Variants in MSH4 observed in about 807,000 individuals in gnomAD.
MSH4 encodes mutS homolog 4, also known as mutS protein homolog 4.
In MSH4, 106 loss-of-function variants were observed where a neutral mutation model predicts 113.7. That is an observed-to-expected ratio of 0.93 (90% CI 0.80 to 1.10). The LOEUF (loss-of-function observed/expected upper bound fraction) is 1.10, where lower values mean the gene tolerates loss of function less well. Among genes scored for constraint, MSH4 ranks in the 50% least tolerant of loss-of-function variants. The pLI is 0.00. For synonymous variants in MSH4, 368 were observed against 380.2 expected (o/e 0.97, Z 0.37); for missense variants, 1,061 against 1,093.7 (o/e 0.97, Z 0.42).
chr1:75,899,073 C>T (rs1652448910), intron 18 of MSH4, among the ~76,000 whole-genome samples: 1 of 152,104 alleles, frequency 6.6e-6, no homozygotes, highest in Non-Finnish European at 1.5e-5. Context: ...TATTGGTGTA[C>T]AGTAGAAAGC....
chr1:75,814,360 G>A (rs5745369), intron 4 of MSH4, among the ~76,000 whole-genome samples: 10,779 of 151,610 alleles, frequency 0.071, 504 homozygotes, highest in African/African-American at 0.13. Context: ...AGCTACTCAG[G>A]AGGATGAAGC....
At chr1:75,877,728 G>T (rs1013632839) in intron 10 of MSH4, among the ~76,000 whole-genome samples, 4 of 152,142 alleles carry the variant, frequency 2.6e-5, no homozygotes, top group Admixed American at 6.6e-5. Flanking sequence ...TCTACCGAAG[G>T]CAGGGATCAT....
chr1:75,824,799 C>T (rs1018109647), intron 7 of MSH4, among the ~76,000 whole-genome samples: 3 of 151,696 alleles, frequency 2.0e-5, no homozygotes, highest in African/African-American at 7.3e-5. Context: ...GGTCTCTGTT[C>T]TGTTCCATTG....
intron 7 of MSH4, among the ~76,000 whole-genome samples, chr1:75,844,621 T>TAC (rs1390698981): frequency 3.3e-5 from 5 of 152,184 alleles, no homozygotes; most frequent in Non-Finnish European, 5.9e-5. Context: ...CCACCACACC[T>TAC]GGGCTGAAAT....
chr1:75,810,900 T>G, intron 4 of MSH4, 93 bp downstream of exon 4: 2 of 586,668 alleles, frequency 3.4e-6, no homozygotes, highest in Non-Finnish European at 2.7e-6. Context: ...GAGACAGAGT[T>G]TCACTCTGTC....
chr1:75,840,798 A>G (rs1001272819), intron 7 of MSH4, among the ~76,000 whole-genome samples: 3 of 152,202 alleles, frequency 2.0e-5, no homozygotes, highest in Non-Finnish European at 2.9e-5. Flanking sequence ...ATTAAGCTAT[A>G]TCTGTCCTCA....
intron 7 of MSH4, among the ~76,000 whole-genome samples, chr1:75,831,909 A>G (rs1053454901): frequency 6.6e-6 from 1 of 152,220 alleles, no homozygotes; most frequent in Non-Finnish European, 1.5e-5. Flanking sequence ...TTCAAAAGCT[A>G]GCAGAAGATA....
At chr1:75,814,090 C>G (rs954247074) in intron 4 of MSH4, among the ~76,000 whole-genome samples, 3 of 151,754 alleles carry the variant, frequency 2.0e-5, no homozygotes, top group Non-Finnish European at 4.4e-5. Flanking sequence ...ATAATATTAC[C>G]TTTTCTTAAC....
chr1:75,822,010 G>A (rs1011046036), intron 6 of MSH4, among the ~76,000 whole-genome samples: 1 of 152,118 alleles, frequency 6.6e-6, no homozygotes, highest in Admixed American at 6.5e-5. Context: ...GGCCAGGCGC[G>A]GTGGCTCACG....
chr1:75,905,457 G>C (rs1652603867), intron 19 of MSH4, among the ~76,000 whole-genome samples: 1 of 151,854 alleles, frequency 6.6e-6, no homozygotes, highest in Non-Finnish European at 1.5e-5. Flanking sequence ...CACTTGTTTT[G>C]TGGCCTAATG....
At chr1:75,856,570 G>A (rs780835825) in intron 8 of MSH4, among the ~76,000 whole-genome samples, 1 of 152,156 alleles carries the variant, frequency 6.6e-6, no homozygotes, top group Non-Finnish European at 1.5e-5. Context: ...AGTTTGCTGA[G>A]AATAATGGTT....
At chr1:75,807,756 C>G (rs5745334) in intron 3 of MSH4, among the ~76,000 whole-genome samples, 38,013 of 152,046 alleles carry the variant, frequency 0.25, 6,224 homozygotes, top group East Asian at 0.68. Context: ...AAAAAAATAC[C>G]TAGTAAAGCA....
chr1:75,846,033 G>A (rs113636384), intron 7 of MSH4, among the ~76,000 whole-genome samples: 3 of 151,790 alleles, frequency 2.0e-5, no homozygotes, highest in Non-Finnish European at 4.4e-5. Context: ...TTGAGCTGCA[G>A]CTGGGCTCAC....
intron 1 of MSH4, among the ~76,000 whole-genome samples, chr1:75,798,858 C>T (rs1348057180): frequency 6.6e-6 from 1 of 152,108 alleles, no homozygotes; most frequent in Non-Finnish European, 1.5e-5. Context: ...GCACCTAGCC[C>T]TCAAACTCTT....
intron 19 of MSH4, among the ~76,000 whole-genome samples, chr1:75,911,098 C>T (rs1652777377): frequency 6.6e-6 from 1 of 151,804 alleles, no homozygotes; most frequent in Admixed American, 6.6e-5. Flanking sequence ...GCCTGAGATA[C>T]AGGGTACCAT....
intron 19 of MSH4, 26 bp from the exon 20 acceptor site, chr1:75,912,670 A>C: frequency 8.0e-7 from 1 of 1,244,006 alleles, no homozygotes; most frequent in Non-Finnish European, 1.0e-6. Context: ...GTATATATAT[A>C]TATATTTTTT....
chr1:75,886,839 T>TTA (rs34966627), intron 15 of MSH4, among the ~76,000 whole-genome samples: 4 of 136,638 alleles, frequency 2.9e-5, no homozygotes, highest in African/African-American at 8.1e-5. Context: ...TATATATATA[T>TTA]TATATATATA....
chr1:75,871,362 GTA>G (rs1382182625), intron 9 of MSH4, among the ~76,000 whole-genome samples: 1 of 152,040 alleles, frequency 6.6e-6, no homozygotes, highest in African/African-American at 2.4e-5. Flanking sequence ...AACCCTAACT[GTA>G]TCAGACAGAC....
intron 14 of MSH4, among the ~76,000 whole-genome samples, chr1:75,882,840 C>T (rs1010673328): frequency 6.6e-6 from 1 of 151,800 alleles, no homozygotes; most frequent in Admixed American, 6.6e-5. Flanking sequence ...AAGACCCTGT[C>T]TCTAATAAAT....
Sources: gnomAD v4.1 joint callset for allele counts (sites outside exome capture counted in the v4.1 genomes callset) on GRCh38, gnomAD v4.1.1 for gene constraint, MANE v1.5 for transcripts, NCBI Gene and HGNC (gene_info 2026-07-23, HGNC 2026-07-21) for gene names.